Variants in SLC25A12 observed in about 807,000 individuals in gnomAD.
SLC25A12 encodes electrogenic aspartate/glutamate antiporter SLC25A12, mitochondrial.
In SLC25A12, 32 loss-of-function variants were observed where a neutral mutation model predicts 83.3. The ratio of observed to expected loss-of-function variants is 0.38; its 90% CI spans 0.29 to 0.52. The LOEUF (loss-of-function observed/expected upper bound fraction) is 0.52. SLC25A12 is among the 20% of genes least tolerant of loss of function. SLC25A12 has a pLI of 0.84. For missense variants in SLC25A12, 611 were observed against 835.6 expected, an observed-to-expected ratio of 0.73 and a Z score of 3.31; for synonymous variants, 267 against 291.1, an observed-to-expected ratio of 0.92 and a Z score of 0.84.
chr2:171,824,752 G>C (rs1684263634), intron 9 of SLC25A12, among the ~76,000 whole-genome samples: 1 of 150,842 alleles, frequency 6.6e-6, no homozygotes, highest in Non-Finnish European at 1.5e-5. Context: ...TCACTGAATT[G>C]AAATAAATCC....
At chr2:171,873,404 C>A (rs934972037) in intron 2 of SLC25A12, among the ~76,000 whole-genome samples, 3 of 152,034 alleles carry the variant, frequency 2.0e-5, no homozygotes, top group African/African-American at 4.8e-5. Context: ...CCCAAGATAG[C>A]ACCACTGCAC....
chr2:171,854,827 A>T lies in SLC25A12; in HGVS notation c.325+1007T>A, dbSNP rs75639708. Among the ~76,000 whole-genome samples, 12 of 152,332 alleles carry T rather than the reference A, an allele frequency of 7.9e-5. No homozygotes were observed. In the East Asian group the frequency reaches 1.9e-3, roughly 24 times the overall value. ...ATCTATTTTATAACTCAAACACAAT[A>T]GTGAATAAGTGTTTAATGCCATAGC... On this transcript the variant is annotated intron_variant, in intron 4 of 17. Transcript: ENST00000422440.
intron 9 of SLC25A12, among the ~76,000 whole-genome samples, chr2:171,815,700 A>T (rs886593349): frequency 6.6e-6 from 1 of 152,162 alleles, no homozygotes; most frequent in African/African-American, 2.4e-5. Context: ...CAGTTCTAAC[A>T]TAAAAATCTA....
intron 13 of SLC25A12, among the ~76,000 whole-genome samples, chr2:171,797,166 A>G (rs76421261): frequency 0.017 from 2,607 of 152,310 alleles, 84 homozygotes; most frequent in African/African-American, 0.06. Flanking sequence ...TCATAAATAC[A>G]GTAACTTTTC....
chr2:171,790,389 C>G (rs569528083), intron 15 of SLC25A12, among the ~76,000 whole-genome samples: 1 of 152,192 alleles, frequency 6.6e-6, no homozygotes, highest in Non-Finnish European at 1.5e-5. Context: ...CCAAGGACAC[C>G]TGGTTCTCTC....
At position 171,795,334 on chromosome 2, in the gene SLC25A12, C is replaced by T. The variant is rs554823452; in HGVS notation, c.1306-1567G>A. Among the ~76,000 whole-genome samples, 8 of 152,292 alleles carry T rather than the reference C, an allele frequency of 5.3e-5. No homozygotes were observed. In the South Asian group the frequency reaches 1.7e-3, roughly 32 times the overall value. ...TGCCTGCCTTTCTCTCTCTTTGAAT[C>T]TGTTGTACTGCAGGCAGAAGGAAGC... On this transcript the variant is annotated intron_variant, in intron 13 of 17. Transcript: ENST00000422440.
Position 171,785,246 on chromosome 2 carries a change from C to T in SLC25A12, c.*28G>A, listed in dbSNP as rs1406983107. 6.2e-7 allele frequency: 1 copy of T among 1,611,840 alleles called. No individual in the cohort carries two copies. ...TCCTAGGCCTCTTTCTTCAAGGCGC[C>T]ATTTTGCCACACTCAACAGTTGTCT... On this transcript the variant is annotated 3_prime_UTR_variant, in exon 18 of 18. Transcript: ENST00000422440.
intron 3 of SLC25A12, among the ~76,000 whole-genome samples, chr2:171,864,108 C>T (rs1196385018): frequency 1.3e-5 from 2 of 152,132 alleles, no homozygotes; most frequent in African/African-American, 4.8e-5. Flanking sequence ...CTATTGCATG[C>T]GAGTCTTGTC....
intron 2 of SLC25A12, among the ~76,000 whole-genome samples, chr2:171,884,350 C>T (rs1179504395): frequency 6.6e-6 from 1 of 151,954 alleles, no homozygotes; most frequent in East Asian, 2.0e-4. Context: ...GCCACCACGC[C>T]TGGCTAATTT....
chr2:171,836,964 A>ATG, intron 6 of SLC25A12, among the ~76,000 whole-genome samples, 157 bp downstream of exon 6: 1 of 93,358 alleles, frequency 1.1e-5, no homozygotes, highest in Non-Finnish European at 2.6e-5. Flanking sequence ...ACACATGCAC[A>ATG]CACACACACA....
intron 4 of SLC25A12, among the ~76,000 whole-genome samples, chr2:171,853,910 G>C (rs1307590005): frequency 6.6e-6 from 1 of 152,170 alleles, no homozygotes; most frequent in African/African-American, 2.4e-5. Flanking sequence ...GAGACACAAA[G>C]AACCATGATA....
chr2:171,805,165 G>C (rs1156985325), intron 13 of SLC25A12, among the ~76,000 whole-genome samples: 2 of 150,854 alleles, frequency 1.3e-5, no homozygotes, highest in East Asian at 3.9e-4. Context: ...CTGGAGTGCA[G>C]TGGCACGATC....
intron 2 of SLC25A12, among the ~76,000 whole-genome samples, chr2:171,890,581 A>C (rs1017554310): frequency 5.3e-5 from 8 of 152,106 alleles, no homozygotes; most frequent in African/African-American, 1.7e-4. Flanking sequence ...TCCTAGGATC[A>C]AGCAATCCTC....
chr2:171,833,564 C>A (rs896353588), intron 8 of SLC25A12, among the ~76,000 whole-genome samples: 1 of 152,150 alleles, frequency 6.6e-6, no homozygotes, highest in Non-Finnish European at 1.5e-5. Flanking sequence ...AGCCACTGGG[C>A]CCAGCCTCTT....
chr2:171,877,848 AGTTT>A (rs1180703635), intron 2 of SLC25A12, among the ~76,000 whole-genome samples: 1 of 152,230 alleles, frequency 6.6e-6, no homozygotes, highest in African/African-American at 2.4e-5. Context: ...TTGTTTAAAT[AGTTT>A]AAGTTCATAA....
chr2:171,854,101 G>A (rs1558932430), intron 4 of SLC25A12, among the ~76,000 whole-genome samples: 1 of 152,188 alleles, frequency 6.6e-6, no homozygotes, highest in Non-Finnish European at 1.5e-5. Context: ...AATAGAAAAT[G>A]CAGCATTACT....
intron 9 of SLC25A12, among the ~76,000 whole-genome samples, chr2:171,826,372 C>A (rs1684300023): frequency 6.6e-6 from 1 of 152,130 alleles, no homozygotes; most frequent in African/African-American, 2.4e-5. Context: ...CTTTGGGAGG[C>A]CGAGGCAGGT....
chr2:171,880,155 G>A (rs1398163921), intron 2 of SLC25A12, among the ~76,000 whole-genome samples: 1 of 152,190 alleles, frequency 6.6e-6, no homozygotes, highest in Admixed American at 6.5e-5. Flanking sequence ...GGTTAGCCAT[G>A]ATAATTGGTG....
At chr2:171,849,289 C>T (rs551420808) in intron 4 of SLC25A12, among the ~76,000 whole-genome samples, 2 of 151,392 alleles carry the variant, frequency 1.3e-5, no homozygotes, top group South Asian at 4.2e-4. Flanking sequence ...AAACTAATAA[C>T]ACTCCACCTT....
Sources: gnomAD v4.1 joint callset for allele counts (sites outside exome capture counted in the v4.1 genomes callset) on GRCh38, gnomAD v4.1.1 for gene constraint, MANE v1.5 for transcripts, NCBI Gene and HGNC (gene_info 2026-07-23, HGNC 2026-07-21) for gene names.